The following BABAM2 variants were observed in gnomAD, a reference collection of about 807,000 sequenced individuals.
BABAM2 encodes the protein BRISC and BRCA1-A complex member 2.
In BABAM2, 31 loss-of-function variants were observed where a neutral mutation model predicts 54.7. The ratio of observed to expected loss-of-function variants is 0.57; its 90% CI spans 0.43 to 0.77. BABAM2 has a LOEUF of 0.77. BABAM2 is among the 30% of genes least tolerant of loss of function. BABAM2 has a pLI of 0.00. For synonymous variants in BABAM2, 167 were observed against 162.9 expected (o/e 1.03, Z -0.19); for missense variants, 364 against 455.8 (o/e 0.80, Z 1.83).
intron 8 of BABAM2, among the ~76,000 whole-genome samples, chr2:28,238,446 T>C (rs950005169): frequency 3.9e-5 from 6 of 152,204 alleles, no homozygotes; most frequent in African/African-American, 1.4e-4. Flanking sequence ...GAAAAATAGA[T>C]CTTTTGTTTG....
chr2:28,178,435 CA>C (rs1675251089), intron 7 of BABAM2, among the ~76,000 whole-genome samples: 1 of 151,994 alleles, frequency 6.6e-6, no homozygotes, highest in Non-Finnish European at 1.5e-5. Context: ...GAGGAAATCA[CA>C]AAATTTCTTG....
intron 7 of BABAM2, among the ~76,000 whole-genome samples, chr2:28,146,146 T>C (rs1671474707): frequency 6.6e-6 from 1 of 152,238 alleles, no homozygotes; most frequent in African/African-American, 2.4e-5. Context: ...TTTCTTGTTA[T>C]TGAGTTGTAA....
chr2:27,958,241 T>A (rs1326333033), intron 3 of BABAM2, among the ~76,000 whole-genome samples: 1 of 152,010 alleles, frequency 6.6e-6, no homozygotes, highest in Non-Finnish European at 1.5e-5. Context: ...GTAATTGGAA[T>A]GTAGACCCTG....
At chr2:28,074,550 T>C (rs1664477003) in intron 6 of BABAM2, among the ~76,000 whole-genome samples, 1 of 152,246 alleles carries the variant, frequency 6.6e-6, no homozygotes, top group African/African-American at 2.4e-5. Flanking sequence ...TTTATGTGTT[T>C]GTATGTTTGT....
intron 7 of BABAM2, among the ~76,000 whole-genome samples, chr2:28,157,060 A>G (rs1672609346): frequency 1.3e-5 from 2 of 152,248 alleles, no homozygotes; most frequent in Non-Finnish European, 2.9e-5. Context: ...TTTTATTTAC[A>G]GAAAACTGTA....
At chr2:28,338,021 C>T (rs918864324) in intron 11 of BABAM2, among the ~76,000 whole-genome samples, 12 of 152,148 alleles carry the variant, frequency 7.9e-5, no homozygotes, top group African/African-American at 2.4e-5. Flanking sequence ...ACTTATTAGA[C>T]CCTCTTTGTC....
chr2:27,996,996 T>G (rs1175103036), intron 4 of BABAM2, among the ~76,000 whole-genome samples: 1 of 152,226 alleles, frequency 6.6e-6, no homozygotes, highest in African/African-American at 2.4e-5. Context: ...ATTTTAAAAT[T>G]TACTTTCAAA....
intron 7 of BABAM2, among the ~76,000 whole-genome samples, chr2:28,138,861 C>T (rs946356650): frequency 2.6e-5 from 4 of 152,164 alleles, no homozygotes; most frequent in Non-Finnish European, 5.9e-5. Context: ...TTTCAAGCCT[C>T]TAAGTATCTT....
intron 11 of BABAM2, among the ~76,000 whole-genome samples, chr2:28,333,974 CT>C (rs1691188868): frequency 6.6e-6 from 1 of 152,222 alleles, no homozygotes; most frequent in Non-Finnish European, 1.5e-5. Context: ...TTTAAAAAAT[CT>C]ATAAATGGGT....
At chr2:28,270,792 G>A (rs1685360280) in intron 10 of BABAM2, among the ~76,000 whole-genome samples, 1 of 152,194 alleles carries the variant, frequency 6.6e-6, no homozygotes, top group South Asian at 2.1e-4. Context: ...GAGAGGTTTA[G>A]TGACTTGCCT....
chr2:28,323,398 T>G (rs1690191998), intron 11 of BABAM2, among the ~76,000 whole-genome samples: 1 of 152,208 alleles, frequency 6.6e-6, no homozygotes, highest in African/African-American at 2.4e-5. Context: ...AGCTAAGCGC[T>G]GGGAGAGGTC....
At chr2:27,893,500 A>G (rs2148252967) in intron 1 of BABAM2, among the ~76,000 whole-genome samples, 2 of 152,296 alleles carry the variant, frequency 1.3e-5, no homozygotes, top group East Asian at 3.9e-4. Context: ...GAGGGGGCAC[A>G]TTATCTTCTC....
chr2:28,259,841 A>G (rs1044274262), intron 10 of BABAM2, among the ~76,000 whole-genome samples: 2 of 151,954 alleles, frequency 1.3e-5, no homozygotes, highest in Non-Finnish European at 2.9e-5. Flanking sequence ...TTTCCCCATT[A>G]AATTACCTTA....
chr2:28,081,640 C>G (rs1435189982), intron 6 of BABAM2, among the ~76,000 whole-genome samples: 1 of 152,194 alleles, frequency 6.6e-6, no homozygotes, highest in African/African-American at 2.4e-5. Flanking sequence ...CTCAGCGTTT[C>G]TTAATGCTAC....
At chr2:28,101,176 A>T (rs1384830276) in intron 6 of BABAM2, among the ~76,000 whole-genome samples, 1 of 152,174 alleles carries the variant, frequency 6.6e-6, no homozygotes, top group Non-Finnish European at 1.5e-5. Context: ...AGCCAGGTTG[A>T]CATAGCCAGT....
intron 7 of BABAM2, among the ~76,000 whole-genome samples, chr2:28,165,529 C>CTTTTTTTTTTTTTTTTTTTTT (rs1192641957): frequency 4.2e-5 from 3 of 72,254 alleles, no homozygotes; most frequent in Non-Finnish European, 7.2e-5. Context: ...TTTTTCCTTG[C>CTTTTTTTTTTTTTTTTTTTTT]TTTTTTTTTT....
chr2:28,090,256 C>CT (rs1469974118), intron 6 of BABAM2, among the ~76,000 whole-genome samples: 1 of 152,008 alleles, frequency 6.6e-6, no homozygotes, highest in Non-Finnish European at 1.5e-5. Context: ...ATCTCTCTCT[C>CT]TTTTTTTGAG....
intron 5 of BABAM2, among the ~76,000 whole-genome samples, chr2:28,032,378 C>A (rs1054875272): frequency 2.6e-5 from 4 of 152,198 alleles, no homozygotes; most frequent in Non-Finnish European, 5.9e-5. Flanking sequence ...TACTATCAGT[C>A]TTCCGACAAG....
chr2:28,235,908 C>T (rs555741027), intron 7 of BABAM2, among the ~76,000 whole-genome samples: 1 of 152,252 alleles, frequency 6.6e-6, no homozygotes, highest in Admixed American at 6.5e-5. Flanking sequence ...GATTTGCCAA[C>T]CTCAGCCTCC....
Sources: allele counts gnomAD v4.1 joint callset (sites outside exome capture counted in the v4.1 genomes callset), GRCh38; gene constraint gnomAD v4.1.1; transcripts MANE v1.5; gene names NCBI Gene and HGNC (gene_info 2026-07-23, HGNC 2026-07-21).